DNAJC27: variants seen among roughly 807,000 people sequenced by gnomAD.
The protein encoded by DNAJC27 is dnaJ homolog subfamily C member 27.
A neutral mutation model predicts 31.4 loss-of-function variants in DNAJC27; 25 were observed. The ratio of observed to expected loss-of-function variants is 0.80; its 90% confidence interval spans 0.58 to 1.11. The LOEUF is 1.11. Ranked by LOEUF, DNAJC27 falls within the 50% of genes most tolerant of loss-of-function variation. DNAJC27 has a pLI of 0.00. For synonymous variants in DNAJC27, 106 were observed against 112.7 expected (o/e 0.94, Z 0.37); for missense variants, 356 against 347.3 (o/e 1.02, Z -0.20).
At position 24,971,769 on chromosome 2, in the gene DNAJC27, C is replaced by T. The variant is rs755961670; in HGVS notation, c.87+49G>A. The T allele has an allele frequency of 2.6e-6, 4 of 1,522,034 alleles. No homozygotes were observed. The Admixed American group carries it at 5.6e-5, about 21-fold the overall frequency. 94.3% of individuals were successfully genotyped at this position (1,522,034 alleles called of 1,614,324 possible). On this transcript the variant is annotated intron_variant, in intron 1 of 6. Transcript: ENST00000264711. ...TGGCCGCCCTTCCAGCCAATGGACA[C>T]GTCGCCCCGCCACGCTGGGGCCCGC...
At chr2:24,950,770 C>A (rs1377464545) in intron 6 of DNAJC27, among the ~76,000 whole-genome samples, 1 of 151,980 alleles carries the variant, frequency 6.6e-6, no homozygotes, top group Non-Finnish European at 1.5e-5. Flanking sequence ...TTGCTTGAAC[C>A]CAGGAGGCAG....
At chr2:24,963,923 G>A (rs908375995) in intron 2 of DNAJC27, among the ~76,000 whole-genome samples, 18 of 152,206 alleles carry the variant, frequency 1.2e-4, no homozygotes, top group Admixed American at 9.8e-4. Flanking sequence ...AATGACGTCT[G>A]TTTAATTTTC....
At chr2:24,958,458 T>C (rs1365582961) in intron 3 of DNAJC27, 2 of 226,880 alleles carry the variant, frequency 8.8e-6, no homozygotes, top group South Asian at 1.2e-4. Context: ...ACACCAACTT[T>C]AGAACTCCAA....
chr2:24,953,920 T>C (rs1219108748), intron 5 of DNAJC27, among the ~76,000 whole-genome samples: 3 of 152,080 alleles, frequency 2.0e-5, no homozygotes, highest in African/African-American at 4.8e-5. Flanking sequence ...CATCAACTAC[T>C]ATCGAACTGG....
chr2:24,952,365 T>C (rs2149122182), intron 5 of DNAJC27, among the ~76,000 whole-genome samples: 1 of 152,270 alleles, frequency 6.6e-6, no homozygotes. Context: ...TCTTAGCACC[T>C]TGTATTTTTT....
chr2:24,955,451 C>T (rs58451884), intron 5 of DNAJC27, among the ~76,000 whole-genome samples: 2,967 of 151,902 alleles, frequency 0.02, 88 homozygotes, highest in African/African-American at 0.068. Flanking sequence ...TAATTGGAGG[C>T]CAAGAAGGTA....
intron 6 of DNAJC27, among the ~76,000 whole-genome samples, chr2:24,949,168 T>C (rs1665710638): frequency 6.6e-6 from 1 of 152,214 alleles, no homozygotes; most frequent in African/African-American, 2.4e-5. Flanking sequence ...CCTGGTGCCC[T>C]GCGTGTTGTT....
chr2:24,967,429 G>A (rs189370994), intron 1 of DNAJC27, 136 bp from the exon 2 acceptor site: 349 of 678,042 alleles, frequency 5.1e-4, no homozygotes, highest in Admixed American at 1.8e-3. Context: ...GGCGGGGCGC[G>A]GTGGCTCACG....
At chr2:24,964,421 C>CA (rs771037919) in intron 2 of DNAJC27, among the ~76,000 whole-genome samples, 1,172 of 74,546 alleles carry the variant, frequency 0.016, 24 homozygotes, top group Admixed American at 0.049. Context: ...GACTCCGTCT[C>CA]AAAAAAAAAA....
chr2:24,960,895 T>C (rs1350227540), intron 3 of DNAJC27, among the ~76,000 whole-genome samples: 2 of 152,270 alleles, frequency 1.3e-5, no homozygotes, highest in African/African-American at 4.8e-5. Flanking sequence ...GCTGATGTAG[T>C]GCTGCAAGTT....
At position 24,944,147 on chromosome 2, in the gene DNAJC27, T is replaced by C. The variant is rs909770941; in HGVS notation, c.*3469A>G. 4 of 152,224 alleles carry C rather than the reference T, an allele frequency of 2.6e-5. No individual in the cohort carries two copies. Among genetic ancestry groups the C allele is most frequent in the African/African-American group, 9.6e-5 (4 of 41,460 alleles). The allele number at this position is 152,224 out of a possible 1,614,324, so 9.4% of individuals were successfully genotyped here. A position where few individuals can be genotyped will look rare whatever the true frequency, so the allele number is the denominator to read the frequency against. ...CAGCTAAGTTCATTTTCAAAAGTTT[T>C]ACAAAACCTTTGATTCAGAGTAAGC... On this transcript the variant is annotated 3_prime_UTR_variant, in exon 7 of 7. Transcript: ENST00000264711.
chr2:24,959,324 G>A (rs10432684), intron 3 of DNAJC27, among the ~76,000 whole-genome samples: 2 of 152,144 alleles, frequency 1.3e-5, no homozygotes, highest in African/African-American at 4.8e-5. Flanking sequence ...TCTTCCTTTC[G>A]TTTTGAATCC....
intron 1 of DNAJC27, chr2:24,968,882 T>G (rs1558557990): frequency 6.5e-6 from 1 of 154,406 alleles, no homozygotes; most frequent in Non-Finnish European, 1.4e-5. Flanking sequence ...AAAAATTTTT[T>G]TTTAAATTAA....
intron 6 of DNAJC27, among the ~76,000 whole-genome samples, chr2:24,948,510 T>C (rs1355385988): frequency 1.3e-5 from 2 of 152,036 alleles, no homozygotes; most frequent in Non-Finnish European, 2.9e-5. Flanking sequence ...AAGCAAGGGA[T>C]GCTGGAAAGG....
intron 3 of DNAJC27, among the ~76,000 whole-genome samples, chr2:24,962,227 TTTTG>T (rs1666062598): frequency 6.7e-6 from 1 of 148,998 alleles, no homozygotes; most frequent in African/African-American, 2.5e-5. Flanking sequence ...TTTTGTTTTT[TTTTG>T]TGTTTTTTGT....
intron 6 of DNAJC27, 44 bp downstream of exon 6, chr2:24,951,350 T>G (rs1484971499): frequency 6.4e-7 from 1 of 1,561,262 alleles, no homozygotes; most frequent in Non-Finnish European, 8.7e-7. Context: ...GATGGAGTCT[T>G]TCTTTATGAT....
Position 24,945,963 on chromosome 2 carries a change from A to G in DNAJC27, c.*1653T>C, listed in dbSNP as rs1441343058. 3.3e-5 allele frequency: 5 copies of G among 152,196 alleles called. No individual in the cohort carries two copies. Among genetic ancestry groups the G allele is most frequent in the African/African-American group, 1.2e-4 (5 of 41,460 alleles). 9.4% of individuals were successfully genotyped at this position (152,196 alleles called of 1,614,324 possible). ...TATGGGATAGCTTTTTAAAATTCAC[A>G]GGACAGGAAGATTTTATATACTTTC... On this transcript the variant is annotated 3_prime_UTR_variant, in exon 7 of 7. Transcript: ENST00000264711.
chr2:24,957,638 C>G (rs1415332588), intron 4 of DNAJC27, among the ~76,000 whole-genome samples, 172 bp downstream of exon 4: 1 of 152,012 alleles, frequency 6.6e-6, no homozygotes, highest in Non-Finnish European at 1.5e-5. Flanking sequence ...TTTGATATAG[C>G]AGGTTTTAGG....
At chr2:24,947,927 T>C (rs935997240) in intron 6 of DNAJC27, among the ~76,000 whole-genome samples, 179 bp from the exon 7 acceptor site, 1 of 152,224 alleles carries the variant, frequency 6.6e-6, no homozygotes, top group African/African-American at 2.4e-5. Context: ...GTATGTAATA[T>C]ATAACACAAA....
Sources: gnomAD v4.1 joint callset for allele counts (sites outside exome capture counted in the v4.1 genomes callset) on GRCh38, gnomAD v4.1.1 for gene constraint, MANE v1.5 for transcripts, NCBI Gene and HGNC (gene_info 2026-07-23, HGNC 2026-07-21) for gene names.